Variants in SPRED2 observed in about 807,000 individuals in gnomAD.
SPRED2 encodes the protein sprouty related EVH1 domain containing 2.
Under a neutral mutation model 43.0 loss-of-function variants are expected in SPRED2, and 47 were observed. The ratio of observed to expected loss-of-function variants is 1.09; its 90% CI spans 0.87 to 1.40. The LOEUF (loss-of-function observed/expected upper bound fraction) is 1.40, where lower values mean the gene tolerates loss of function less well. Ranked by LOEUF, SPRED2 falls within the 40% of genes most tolerant of loss-of-function variation. The probability of loss-of-function intolerance (pLI) is 0.00; values close to 1 mark genes in which losing one functional copy is unlikely to be tolerated. For missense variants in SPRED2, 561 were observed against 586.4 expected, an observed-to-expected ratio of 0.96 and a Z score of 0.45; for synonymous variants, 225 against 225.7, an observed-to-expected ratio of 1.00 and a Z score of 0.03.
chr2:65,328,991 A>G (rs1242008726), intron 4 of SPRED2, among the ~76,000 whole-genome samples: 1 of 152,214 alleles, frequency 6.6e-6, no homozygotes, highest in Non-Finnish European at 1.5e-5. Context: ...ATGAAAAGAA[A>G]CTCAACTTGC....
chr2:65,402,400 A>G (rs1481357231), intron 1 of SPRED2, among the ~76,000 whole-genome samples: 1 of 151,410 alleles, frequency 6.6e-6, no homozygotes, highest in Admixed American at 6.6e-5. Context: ...CGGGCTGCCC[A>G]CTGTAGGGGA....
At chr2:65,349,084 G>A (rs1320339878) in intron 1 of SPRED2, among the ~76,000 whole-genome samples, 8 of 152,064 alleles carry the variant, frequency 5.3e-5, no homozygotes, top group Admixed American at 5.2e-4. Context: ...TGAGGCGGCC[G>A]GATCATGAGG....
chr2:65,375,315 C>T (rs1013838504), intron 1 of SPRED2, among the ~76,000 whole-genome samples: 1 of 152,228 alleles, frequency 6.6e-6, no homozygotes, highest in Non-Finnish European at 1.5e-5. Context: ...GCTTGTATGC[C>T]GGTCTCAGGT....
intron 2 of SPRED2, among the ~76,000 whole-genome samples, chr2:65,339,012 CT>C (rs1411806749): frequency 1.1e-3 from 159 of 145,920 alleles, no homozygotes; most frequent in African/African-American, 3.9e-3. Flanking sequence ...TGAGGAGCCC[CT>C]CTGGCCGGCC....
At chr2:65,428,760 T>C (rs1676611057) in intron 1 of SPRED2, among the ~76,000 whole-genome samples, 3 of 152,244 alleles carry the variant, frequency 2.0e-5, no homozygotes, top group Admixed American at 2.0e-4. Flanking sequence ...GGCAGCTCGA[T>C]GTCTCCAGGG....
intron 1 of SPRED2, among the ~76,000 whole-genome samples, chr2:65,411,436 C>T (rs1384691549): frequency 6.6e-6 from 1 of 152,176 alleles, no homozygotes; most frequent in Non-Finnish European, 1.5e-5. Context: ...AGCACTCCCA[C>T]ATGATGACAT....
intron 1 of SPRED2, among the ~76,000 whole-genome samples, chr2:65,409,297 C>T (rs889835912): frequency 6.6e-6 from 1 of 152,188 alleles, no homozygotes; most frequent in African/African-American, 2.4e-5. Flanking sequence ...TTATAACATA[C>T]AAGCGGCATT....
chr2:65,395,276 T>A (rs1675729033), intron 1 of SPRED2, among the ~76,000 whole-genome samples: 1 of 152,234 alleles, frequency 6.6e-6, no homozygotes, highest in South Asian at 2.1e-4. Context: ...CCAGCCCTGA[T>A]ACCTGTCTTC....
At chr2:65,383,185 G>A (rs1008785268) in intron 1 of SPRED2, among the ~76,000 whole-genome samples, 2 of 152,228 alleles carry the variant, frequency 1.3e-5, no homozygotes, top group Admixed American at 6.5e-5. Flanking sequence ...GGTGGACCGG[G>A]CCGATGAGTA....
chr2:65,307,800 C>G (rs149144913), downstream of SPRED2, among the ~76,000 whole-genome samples: 1 of 152,186 alleles, frequency 6.6e-6, no homozygotes, highest in Non-Finnish European at 1.5e-5. Flanking sequence ...AGGGTCATTG[C>G]CCTTCATTCC....
At chr2:65,337,735 AT>A (rs34360258) in intron 2 of SPRED2, among the ~76,000 whole-genome samples, 16,899 of 152,254 alleles carry the variant, frequency 0.11, 1,373 homozygotes, top group Non-Finnish European at 0.16. Context: ...GTATGGATGT[AT>A]TAGATTTATT....
chr2:65,429,176 C>T (rs950885553), intron 1 of SPRED2, among the ~76,000 whole-genome samples: 7 of 152,074 alleles, frequency 4.6e-5, no homozygotes, highest in Non-Finnish European at 8.8e-5. Flanking sequence ...ACAATTTTAC[C>T]ATTTGCAAGA....
chr2:65,386,756 G>A (rs559635915), intron 1 of SPRED2, among the ~76,000 whole-genome samples: 2 of 152,298 alleles, frequency 1.3e-5, no homozygotes, highest in East Asian at 3.9e-4. Flanking sequence ...TATATTCAGA[G>A]CACTCTGTGT....
intron 1 of SPRED2, among the ~76,000 whole-genome samples, chr2:65,386,873 A>C (rs1327644230): frequency 1.3e-5 from 2 of 152,250 alleles, no homozygotes; most frequent in Non-Finnish European, 2.9e-5. Context: ...TAATTTAAAA[A>C]AACAACAAAA....
At chr2:65,322,568 C>T (rs1673464029) in intron 4 of SPRED2, among the ~76,000 whole-genome samples, 3 of 152,102 alleles carry the variant, frequency 2.0e-5, no homozygotes, top group Admixed American at 2.0e-4. Context: ...GCTGGGATTA[C>T]AGGCGTGAGC....
chr2:65,376,762 T>G (rs1675247558), intron 1 of SPRED2, among the ~76,000 whole-genome samples: 1 of 152,208 alleles, frequency 6.6e-6, no homozygotes, highest in Non-Finnish European at 1.5e-5. Context: ...TTGCCCAGTC[T>G]GGAGTGCAGT....
chr2:65,384,171 C>G (rs535458890), intron 1 of SPRED2, among the ~76,000 whole-genome samples: 1 of 152,162 alleles, frequency 6.6e-6, no homozygotes, highest in Admixed American at 6.5e-5. Context: ...CGGCCTATCT[C>G]CACCAGGTGT....
chr2:65,431,726 C>A (rs894942368), intron 1 of SPRED2, among the ~76,000 whole-genome samples: 1 of 152,112 alleles, frequency 6.6e-6, no homozygotes, highest in African/African-American at 2.4e-5. Context: ...CGCCCTTGGC[C>A]CCCGGAGCTG....
chr2:65,421,928 C>T (rs1028212534), intron 1 of SPRED2, among the ~76,000 whole-genome samples: 18 of 152,274 alleles, frequency 1.2e-4, no homozygotes, highest in Middle Eastern at 3.4e-3. Flanking sequence ...GTCAAAGGAC[C>T]TGGGTTAAAA....
Sources: gnomAD v4.1 joint callset for allele counts (sites outside exome capture counted in the v4.1 genomes callset) on GRCh38, gnomAD v4.1.1 for gene constraint, MANE v1.5 for transcripts, NCBI Gene and HGNC (gene_info 2026-07-23, HGNC 2026-07-21) for gene names.